Variants in RAB31 observed in about 807,000 individuals in gnomAD.
The protein encoded by RAB31 is RAB31, member RAS oncogene family.
Under a neutral mutation model 25.6 loss-of-function variants are expected in RAB31, and 21 were observed. That is an observed-to-expected ratio of 0.82 (90% CI 0.58 to 1.18). RAB31 has a LOEUF of 1.18. Among genes scored for constraint, RAB31 ranks in the 50% most tolerant of loss-of-function variants. RAB31 has a pLI of 0.00. For synonymous variants in RAB31, 87 were observed against 84.0 expected (o/e 1.04, Z -0.20); for missense variants, 196 against 250.1 (o/e 0.78, Z 1.46).
At chr18:9,809,171 C>G (rs1021794045) in intron 3 of RAB31, among the ~76,000 whole-genome samples, 2 of 152,150 alleles carry the variant, frequency 1.3e-5, no homozygotes, top group African/African-American at 2.4e-5. Context: ...TTACCTTGGC[C>G]GTGAGCTCTG....
At chr18:9,776,604 G>T (rs1434868168) in intron 2 of RAB31, among the ~76,000 whole-genome samples, 1 of 152,200 alleles carries the variant, frequency 6.6e-6, no homozygotes, top group Non-Finnish European at 1.5e-5. Context: ...CAAGTTAGCA[G>T]TTGTGACTTG....
chr18:9,752,471 C>T (rs893836431), intron 1 of RAB31, among the ~76,000 whole-genome samples: 6 of 152,094 alleles, frequency 3.9e-5, no homozygotes, highest in Admixed American at 1.3e-4. Flanking sequence ...ATGATCTGCC[C>T]GCCTCGGCCT....
chr18:9,714,159 A>C (rs2068032269), intron 1 of RAB31, among the ~76,000 whole-genome samples: 1 of 152,238 alleles, frequency 6.6e-6, no homozygotes, highest in Non-Finnish European at 1.5e-5. Flanking sequence ...CCATGAGAAA[A>C]TAGGAAACTT....
intron 1 of RAB31, among the ~76,000 whole-genome samples, chr18:9,714,433 C>G (rs1180538382): frequency 1.3e-5 from 2 of 152,226 alleles, no homozygotes; most frequent in Non-Finnish European, 2.9e-5. Context: ...CAGAGCTCAG[C>G]TGGTAATGCT....
intron 1 of RAB31, among the ~76,000 whole-genome samples, chr18:9,761,630 G>C (rs1021690752): frequency 6.6e-6 from 1 of 152,116 alleles, no homozygotes; most frequent in African/African-American, 2.4e-5. Context: ...CTGCTTTCAG[G>C]CTCCCTTGGT....
At chr18:9,847,465 G>T (rs2068767482) in intron 6 of RAB31, among the ~76,000 whole-genome samples, 1 of 152,192 alleles carries the variant, frequency 6.6e-6, no homozygotes, top group South Asian at 2.1e-4. Flanking sequence ...TGAGATCTCT[G>T]CACCAGCTGG....
At chr18:9,816,949 A>G (rs2143082504) in intron 5 of RAB31, among the ~76,000 whole-genome samples, 1 of 152,358 alleles carries the variant, frequency 6.6e-6, no homozygotes, top group East Asian at 1.9e-4. Context: ...ATAGCATTTA[A>G]CGAACTGTTC....
intron 5 of RAB31, among the ~76,000 whole-genome samples, chr18:9,825,353 C>T (rs1000692928): frequency 1.3e-5 from 2 of 152,146 alleles, no homozygotes; most frequent in Non-Finnish European, 2.9e-5. Context: ...CTCAGAAAGT[C>T]TGGAGAGCCC....
intron 1 of RAB31, among the ~76,000 whole-genome samples, chr18:9,725,681 T>TTAATA (rs2068093145): frequency 1.3e-5 from 2 of 152,246 alleles, no homozygotes; most frequent in African/African-American, 4.8e-5. Context: ...AAAACATAAT[T>TTAATA]TAATAATTTT....
At chr18:9,794,178 A>C (rs934465264) in intron 3 of RAB31, among the ~76,000 whole-genome samples, 3 of 152,194 alleles carry the variant, frequency 2.0e-5, no homozygotes, top group Non-Finnish European at 2.9e-5. Context: ...TACAGGTGTG[A>C]GCTACCATTT....
intron 5 of RAB31, among the ~76,000 whole-genome samples, chr18:9,841,151 T>C (rs186308076): frequency 5.1e-4 from 78 of 152,180 alleles, no homozygotes; most frequent in African/African-American, 1.7e-3. Context: ...ATGCTGGTCA[T>C]GAACTCCTGA....
intron 6 of RAB31, among the ~76,000 whole-genome samples, chr18:9,857,676 G>GATAGAT (rs1555693020): frequency 8.1e-6 from 1 of 123,978 alleles, no homozygotes; most frequent in Non-Finnish European, 1.9e-5. Context: ...TAGATAGATA[G>GATAGAT]ATAGATAGAT....
At chr18:9,844,968 A>G (rs1471428812) in intron 5 of RAB31, 1 of 152,248 alleles carries the variant, frequency 6.6e-6, no homozygotes, top group African/African-American at 2.4e-5. Flanking sequence ...GGTTCACGCC[A>G]TTCTCCTGCC....
At chr18:9,800,231 C>G (rs1440368318) in intron 3 of RAB31, among the ~76,000 whole-genome samples, 1 of 152,184 alleles carries the variant, frequency 6.6e-6, no homozygotes, top group African/African-American at 2.4e-5. Flanking sequence ...ATAATACTTT[C>G]ATCTGCCAGC....
At chr18:9,721,297 G>T (rs938357386) in intron 1 of RAB31, among the ~76,000 whole-genome samples, 1 of 152,112 alleles carries the variant, frequency 6.6e-6, no homozygotes, top group Non-Finnish European at 1.5e-5. Context: ...GAAAATAACC[G>T]ATGTAGAGTT....
At chr18:9,728,767 A>G (rs7505884) in intron 1 of RAB31, among the ~76,000 whole-genome samples, 110,155 of 152,038 alleles carry the variant, frequency 0.72, 40,136 homozygotes, top group African/African-American at 0.77. Context: ...CGAACTCCTG[A>G]CCTCACGTGA....
chr18:9,821,828 A>T (rs1308855941), intron 5 of RAB31, among the ~76,000 whole-genome samples: 3 of 152,178 alleles, frequency 2.0e-5, no homozygotes, highest in African/African-American at 7.2e-5. Flanking sequence ...GAATAAATGG[A>T]GAGACATATT....
At chr18:9,801,253 T>C (rs1050692964) in intron 3 of RAB31, among the ~76,000 whole-genome samples, 2 of 152,158 alleles carry the variant, frequency 1.3e-5, no homozygotes, top group Non-Finnish European at 2.9e-5. Flanking sequence ...TATGAATAGC[T>C]GTGAACATTC....
intron 1 of RAB31, among the ~76,000 whole-genome samples, chr18:9,737,318 C>G (rs996602707): frequency 1.3e-5 from 2 of 152,204 alleles, no homozygotes; most frequent in Admixed American, 1.3e-4. Context: ...CACACACACA[C>G]ACACCCCCAC....
Sources: allele counts gnomAD v4.1 joint callset (sites outside exome capture counted in the v4.1 genomes callset), GRCh38; gene constraint gnomAD v4.1.1; transcripts MANE v1.5; gene names NCBI Gene and HGNC (gene_info 2026-07-23, HGNC 2026-07-21).